Variants in PDGFD observed in about 807,000 individuals in gnomAD.
PDGFD encodes platelet-derived growth factor D.
PDGFD carries 30 observed loss-of-function variants against 44.7 expected under a neutral mutation model. The observed-to-expected ratio is 0.67, with a 90% CI of 0.50 to 0.91. The LOEUF (loss-of-function observed/expected upper bound fraction) is 0.91. Among genes scored for constraint, PDGFD ranks in the 40% least tolerant of loss-of-function variants. The pLI, the probability that PDGFD is intolerant of heterozygous loss-of-function variation, is 0.00. For missense variants in PDGFD, 445 were observed against 457.8 expected (o/e 0.97, Z 0.25); for synonymous variants, 173 against 168.4 (o/e 1.03, Z -0.21).
intron 3 of PDGFD, among the ~76,000 whole-genome samples, chr11:103,949,060 T>C (rs1323561543): frequency 1.4e-5 from 2 of 141,816 alleles, no homozygotes; most frequent in Non-Finnish European, 3.0e-5. Context: ...TGGTGTGCAG[T>C]GGCGTGATCT....
At chr11:104,028,804 A>T (rs1028205413) in intron 1 of PDGFD, among the ~76,000 whole-genome samples, 1 of 151,926 alleles carries the variant, frequency 6.6e-6, no homozygotes, top group African/African-American at 2.4e-5. Context: ...GAAAAATAAA[A>T]GACAAAAACA....
intron 1 of PDGFD, among the ~76,000 whole-genome samples, chr11:104,007,366 G>A (rs1859719216): frequency 6.6e-6 from 1 of 152,130 alleles, no homozygotes; most frequent in African/African-American, 2.4e-5. Context: ...ATAAATGTAT[G>A]TGATAATCCA....
At chr11:103,997,136 G>C (rs1029312273) in intron 2 of PDGFD, among the ~76,000 whole-genome samples, 4 of 152,130 alleles carry the variant, frequency 2.6e-5, no homozygotes, top group Non-Finnish European at 4.4e-5. Flanking sequence ...CCTTCTACTT[G>C]ATAAGCTGAA....
Position 103,949,803 on chromosome 11 carries a change from C to G in PDGFD, c.511-2079G>C, listed in dbSNP as rs148775406. ...GGAAGGTAGTAATAGGTGGTTGTAC[C>G]TGGGGAGAAAGTGGGCTTGAAAAAA... On this transcript the variant is annotated intron_variant, in intron 3 of 6. Coordinates refer to ENST00000393158, the MANE Select transcript of PDGFD (RefSeq NM_025208.5). 5.9e-5 allele frequency among the ~76,000 whole-genome samples: 9 copies of G among 152,160 alleles called. No homozygotes were observed. The East Asian group carries it at 9.7e-4, about 16-fold the overall frequency.
intron 4 of PDGFD, 79 bp from the exon 5 acceptor site, chr11:103,943,729 G>A: frequency 8.0e-7 from 1 of 1,243,206 alleles, no homozygotes; most frequent in South Asian, 1.3e-5. Flanking sequence ...CTATACGGAA[G>A]GAACATAAAC....
intron 1 of PDGFD, among the ~76,000 whole-genome samples, chr11:104,148,541 A>G (rs1862196989): frequency 6.6e-6 from 1 of 152,204 alleles, no homozygotes; most frequent in Non-Finnish European, 1.5e-5. Context: ...AAAAAAATGA[A>G]ACATTGAAAT....
intron 5 of PDGFD, among the ~76,000 whole-genome samples, chr11:103,937,307 A>G (rs957694143): frequency 6.6e-6 from 1 of 152,104 alleles, no homozygotes; most frequent in Non-Finnish European, 1.5e-5. Flanking sequence ...CCTCCTTGCC[A>G]TTATGTCCTG....
At chr11:104,132,184 T>C (rs939143864) in intron 1 of PDGFD, among the ~76,000 whole-genome samples, 1 of 152,082 alleles carries the variant, frequency 6.6e-6, no homozygotes, top group African/African-American at 2.4e-5. Context: ...TTGTTTTCCT[T>C]GATACTCTCT....
chr11:103,989,881 A>G (rs1268301017), intron 3 of PDGFD, among the ~76,000 whole-genome samples: 1 of 152,178 alleles, frequency 6.6e-6, no homozygotes, highest in Non-Finnish European at 1.5e-5. Context: ...TTCCTTCCCC[A>G]TAGAAATTAT....
chr11:104,120,259 T>C (rs925160135), intron 1 of PDGFD, among the ~76,000 whole-genome samples: 3 of 151,774 alleles, frequency 2.0e-5, no homozygotes, highest in Admixed American at 6.6e-5. Context: ...ATTGTTGCAA[T>C]TGGCATCTAT....
At chr11:103,910,148 TCGTA>T (rs779478336) in intron 6 of PDGFD, among the ~76,000 whole-genome samples, 2 of 152,172 alleles carry the variant, frequency 1.3e-5, no homozygotes, top group Non-Finnish European at 2.9e-5. Context: ...CCAAATATTA[TCGTA>T]AAGATCCTTC....
chr11:104,072,869 T>C (rs1237051266), intron 1 of PDGFD, among the ~76,000 whole-genome samples: 2 of 152,060 alleles, frequency 1.3e-5, no homozygotes, highest in Non-Finnish European at 2.9e-5. Flanking sequence ...GATGACATAA[T>C]GTATATAAAT....
At chr11:103,959,951 C>T (rs1207881599) in intron 3 of PDGFD, among the ~76,000 whole-genome samples, 1 of 152,052 alleles carries the variant, frequency 6.6e-6, no homozygotes, top group Non-Finnish European at 1.5e-5. Context: ...TTAAAAATTC[C>T]TTTTTACTTT....
At chr11:103,927,168 A>T (rs765679768) in intron 5 of PDGFD, 42 bp from the exon 6 acceptor site, 1 of 1,540,174 alleles carries the variant, frequency 6.5e-7, no homozygotes, top group Admixed American at 1.7e-5. Flanking sequence ...ACACAACAGT[A>T]AGCACAATTG....
At chr11:104,103,836 T>C (rs1004151936) in intron 1 of PDGFD, among the ~76,000 whole-genome samples, 2 of 152,238 alleles carry the variant, frequency 1.3e-5, no homozygotes, top group African/African-American at 2.4e-5. Flanking sequence ...ACTATGTAAC[T>C]GGTTTACTTA....
At chr11:104,101,652 C>G (rs1380576337) in intron 1 of PDGFD, among the ~76,000 whole-genome samples, 1 of 152,108 alleles carries the variant, frequency 6.6e-6, no homozygotes, top group Non-Finnish European at 1.5e-5. Context: ...AAGCTGGAGG[C>G]AGCATGCTAC....
At chr11:104,119,876 T>C (rs1405305223) in intron 1 of PDGFD, among the ~76,000 whole-genome samples, 2 of 53,336 alleles carry the variant, frequency 3.7e-5, no homozygotes, top group East Asian at 1.0e-3. Flanking sequence ...ATATAATCAA[T>C]TATTATATAG....
intron 1 of PDGFD, among the ~76,000 whole-genome samples, chr11:104,113,128 A>G (rs1269971046): frequency 6.6e-6 from 1 of 152,166 alleles, no homozygotes; most frequent in Non-Finnish European, 1.5e-5. Flanking sequence ...CCATTCGAAA[A>G]ATGTACTTCA....
chr11:103,910,239 T>C (rs1858006867), intron 6 of PDGFD, among the ~76,000 whole-genome samples: 2 of 152,194 alleles, frequency 1.3e-5, no homozygotes, highest in Non-Finnish European at 2.9e-5. Context: ...AATACAACCA[T>C]GAATAAAATA....
Sources: gnomAD v4.1 joint callset for allele counts (sites outside exome capture counted in the v4.1 genomes callset) on GRCh38, gnomAD v4.1.1 for gene constraint, MANE v1.5 for transcripts, NCBI Gene and HGNC (gene_info 2026-07-23, HGNC 2026-07-21) for gene names.